Variants in TBCK observed in about 807,000 individuals in gnomAD.
TBCK encodes the protein TBC domain-containing protein kinase-like protein.
Under a neutral mutation model 113.4 loss-of-function variants are expected in TBCK, and 99 were observed. That is an observed-to-expected ratio of 0.87 (90% CI 0.74 to 1.03). The LOEUF (loss-of-function observed/expected upper bound fraction) is 1.03, where lower values mean the gene tolerates loss of function less well. Among genes scored for constraint, TBCK ranks in the 50% least tolerant of loss-of-function variants. TBCK has a pLI of 0.00. For synonymous variants in TBCK, 369 were observed against 370.8 expected (o/e 1.00, Z 0.05); for missense variants, 1,045 against 1,061.3 (o/e 0.98, Z 0.21).
intron 25 of TBCK, among the ~76,000 whole-genome samples, chr4:106,066,792 A>G (rs1309674085): frequency 6.6e-6 from 1 of 152,028 alleles, no homozygotes; most frequent in Non-Finnish European, 1.5e-5. Flanking sequence ...TCCTTTTTAT[A>G]TGTGGATTAT....
At chr4:106,130,513 G>A (rs879558379) in intron 23 of TBCK, among the ~76,000 whole-genome samples, 6 of 150,986 alleles carry the variant, frequency 4.0e-5, no homozygotes, top group Non-Finnish European at 8.8e-5. Context: ...ATATTATTAA[G>A]GGGATATTAT....
intron 23 of TBCK, among the ~76,000 whole-genome samples, chr4:106,145,829 A>G (rs571658700): frequency 2.0e-5 from 3 of 152,332 alleles, no homozygotes; most frequent in South Asian, 4.1e-4. Context: ...AGAAATGCAA[A>G]TCAAAACCAC....
At chr4:106,144,895 C>T (rs551142052) in intron 23 of TBCK, among the ~76,000 whole-genome samples, 14 of 151,850 alleles carry the variant, frequency 9.2e-5, no homozygotes, top group African/African-American at 2.4e-4. Context: ...TGGTGGTATA[C>T]GCCCATAATC....
upstream of TBCK, chr4:106,316,478 T>C (rs1768891029): frequency 6.8e-7 from 1 of 1,473,918 alleles, no homozygotes; most frequent in East Asian, 2.5e-5. Flanking sequence ...TGTAGAACAC[T>C]CAGGCTTTCA....
At chr4:106,243,845 C>T (rs1187828587) in intron 11 of TBCK, among the ~76,000 whole-genome samples, 1 of 152,004 alleles carries the variant, frequency 6.6e-6, no homozygotes, top group Non-Finnish European at 1.5e-5. Flanking sequence ...CACAACACCA[C>T]GCCCAGCTAA....
chr4:106,260,520 TA>T lies in TBCK; in HGVS notation c.382-11del. On this transcript the variant is annotated splice_polypyrimidine_tract_variant and intron_variant, in intron 4 of 25. Transcript: ENST00000394708. Reference sequence around the variant, plus strand: ...CCAATTTAATATGTCCCTATGATAATAAAGAAAAAAAACACTATCAAATAAT... The same window carrying T: ...CCAATTTAATATGTCCCTATGATAATAAGAAAAAAAACACTATCAAATAAT... 9.7e-7 allele frequency: 1 copy of T among 1,036,186 alleles called. No individual in the cohort carries two copies. The highest frequency in any genetic ancestry group is 1.3e-6 in the Non-Finnish European group (1 of 761,482). The allele number at this position is 1,036,186 out of a possible 1,614,324, so 64.2% of individuals were successfully genotyped here.
chr4:106,125,023 TGA>T (rs1745004306), intron 23 of TBCK, among the ~76,000 whole-genome samples: 1 of 149,666 alleles, frequency 6.7e-6, no homozygotes, highest in Non-Finnish European at 1.5e-5. Context: ...AAACACAATG[TGA>T]TATCATCTCA....
In TBCK at chr4:106,092,821, T is replaced by A. The variant is rs187403380; in HGVS notation, c.2571+2661A>T. Among the ~76,000 whole-genome samples the A allele has an allele frequency of 2.1e-3, 317 of 152,290 alleles. 1 individual carries two copies. The highest frequency in any genetic ancestry group is 7.3e-3 in the African/African-American group (302 of 41,570). ...AGGGAGCTGGCTCCAGCCTCGGCCA[T>A]CCCAGGAAGGGGCTCCCACAGTGCA... On this transcript the variant is annotated intron_variant, in intron 25 of 25. Transcript: ENST00000394708.
At chr4:106,151,669 A>G (rs1343017850) in intron 23 of TBCK, among the ~76,000 whole-genome samples, 1 of 152,010 alleles carries the variant, frequency 6.6e-6, no homozygotes, top group Non-Finnish European at 1.5e-5. Context: ...AAATCTGTAG[A>G]TTGTTTTGCG....
intron 25 of TBCK, among the ~76,000 whole-genome samples, chr4:106,066,358 A>C (rs1001145885): frequency 6.6e-6 from 1 of 152,000 alleles, no homozygotes; most frequent in Non-Finnish European, 1.5e-5. Context: ...ACTTAAAAAA[A>C]AACCCAAAAT....
chr4:106,316,669 G>A (rs565671177), upstream of TBCK: 15 of 1,460,308 alleles, frequency 1.0e-5, no homozygotes, highest in South Asian at 1.5e-4. Context: ...TCTCTAACTT[G>A]CCTCCAGGAG....
chr4:106,108,246 A>G (rs1038963324), intron 24 of TBCK, among the ~76,000 whole-genome samples: 5 of 152,186 alleles, frequency 3.3e-5, no homozygotes, highest in African/African-American at 1.2e-4. Context: ...ACTTATACCT[A>G]ACTCATTCTA....
At chr4:106,153,468 T>C (rs1408356886) in intron 23 of TBCK, among the ~76,000 whole-genome samples, 1 of 152,140 alleles carries the variant, frequency 6.6e-6, no homozygotes, top group Non-Finnish European at 1.5e-5. Context: ...GTCTTAAACA[T>C]ATGGTCTATC....
intron 2 of TBCK, among the ~76,000 whole-genome samples, chr4:106,304,371 A>T (rs1357982991): frequency 6.6e-6 from 1 of 152,146 alleles, no homozygotes; most frequent in Non-Finnish European, 1.5e-5. Context: ...CAGATCAGAG[A>T]TCTCAGATCC....
rs148878906 is a variant in TBCK, at chr4:106,090,313, G to C, written c.2571+5169C>G. ...AGCCTGAGTGGTCACGATGCAGGGA[G>C]CACTGTCCTGAGGCTGTGCAGGGAA... On this transcript the variant is annotated intron_variant, in intron 25 of 25. Transcript: ENST00000394708. Among the ~76,000 whole-genome samples the C allele has an allele frequency of 2.3e-3, 351 of 152,302 alleles. 2 individuals are homozygous for C. Among genetic ancestry groups the C allele is most frequent in the Non-Finnish European group, 3.8e-3 (256 of 68,012 alleles).
Position 106,042,907 on chromosome 4 carries a change from G to A in TBCK, c.*3663C>T, listed in dbSNP as rs1404806739. 6.6e-6 allele frequency: 1 copy of A among 152,164 alleles called. No individual in the cohort carries two copies. Among genetic ancestry groups the A allele is most frequent in the African/African-American group, 2.4e-5 (1 of 41,440 alleles). The allele number at this position is 152,164 out of a possible 1,614,324, so 9.4% of individuals were successfully genotyped here. On this transcript the variant is annotated 3_prime_UTR_variant, in exon 26 of 26. Coordinates refer to ENST00000394708, the MANE Select transcript of TBCK (RefSeq NM_001163435.3). ...CAGGCCAATGACAATCTCCTCTGTA[G>A]CTTCCCTAATTTGGCGGGAAGTTAT...
intron 3 of TBCK, among the ~76,000 whole-genome samples, chr4:106,262,789 T>A (rs771596455): frequency 2.0e-5 from 3 of 151,896 alleles, no homozygotes; most frequent in Non-Finnish European, 4.4e-5. Flanking sequence ...CTTCTCCTTT[T>A]CCCTCCTTGT....
chr4:106,304,306 A>G (rs1174891705), intron 2 of TBCK, among the ~76,000 whole-genome samples: 1 of 152,192 alleles, frequency 6.6e-6, no homozygotes, highest in Non-Finnish European at 1.5e-5. Context: ...TTCCCAGTTC[A>G]GAGATTAACA....
chr4:106,220,514 C>T (rs762439327), intron 19 of TBCK, among the ~76,000 whole-genome samples: 5 of 151,732 alleles, frequency 3.3e-5, no homozygotes, highest in Non-Finnish European at 7.4e-5. Flanking sequence ...ATATCCTACA[C>T]AGAAGAGCTT....
Sources: gnomAD v4.1 joint callset for allele counts (sites outside exome capture counted in the v4.1 genomes callset) on GRCh38, gnomAD v4.1.1 for gene constraint, MANE v1.5 for transcripts, NCBI Gene and HGNC (gene_info 2026-07-23, HGNC 2026-07-21) for gene names.